Variants in SPG21 observed in about 807,000 individuals in gnomAD.
The protein encoded by SPG21 is SPG21 abhydrolase domain containing, maspardin.
In SPG21, 26 loss-of-function variants were observed where a neutral mutation model predicts 38.9. That is an observed-to-expected ratio of 0.67 (90% CI 0.49 to 0.93). The LOEUF is 0.93. SPG21 is among the 40% of genes least tolerant of loss of function. The pLI is 0.00. For missense variants in SPG21, 333 were observed against 376.5 expected (o/e 0.88, Z 0.96); for synonymous variants, 136 against 128.9 (o/e 1.05, Z -0.37).
Position 64,963,610 on chromosome 15 carries a change from G to A in SPG21, c.*10C>T, listed in dbSNP as rs373774400. 2.6e-5 allele frequency: 42 copies of A among 1,607,744 alleles called. 1 individual carries two copies. Among genetic ancestry groups the A allele is most frequent in the Admixed American group, 2.0e-4 (12 of 59,986 alleles). On this transcript the variant is annotated 3_prime_UTR_variant, in exon 9 of 9. Transcript: ENST00000204566. ...ACCGGGTCAACTCATCATTGACAGCGAGAGACACACTACTGCTCCTCCTGG... is the reference window on the plus strand; with the variant it reads ...ACCGGGTCAACTCATCATTGACAGCAAGAGACACACTACTGCTCCTCCTGG...
At position 64,974,684 on chromosome 15, in the gene SPG21, T is replaced by G; in HGVS notation, c.370A>C (p.Lys124Gln). Residue 124 changes from lysine to glutamine, a missense_variant, in exon 5 of 9, where the codon AAA becomes CAA. Transcript: ENST00000204566. The part of the protein sequence containing the change: ...LAQKFAEYTH[K>Q]SPRVHSLILC... Reference sequence around the variant, plus strand: ...ATTAGGGAATGGACTCTAGGAGATTTGTGAGTGTATTCAGCAAATTTCTGG... The same window carrying G: ...ATTAGGGAATGGACTCTAGGAGATTGGTGAGTGTATTCAGCAAATTTCTGG... The G allele has an allele frequency of 1.9e-6, 3 of 1,614,184 alleles. No homozygotes were observed. Among genetic ancestry groups the G allele is most frequent in the Non-Finnish European group, 2.5e-6 (3 of 1,180,030 alleles).
chr15:64,978,502 T>C (rs1029825305), intron 3 of SPG21, among the ~76,000 whole-genome samples: 2 of 152,080 alleles, frequency 1.3e-5, no homozygotes, highest in African/African-American at 4.8e-5. Flanking sequence ...TCTAACAGGC[T>C]TACTGTTTAA....
intron 2 of SPG21, among the ~76,000 whole-genome samples, chr15:64,982,142 C>CTTTTTTTTTTTTT (rs56118434): frequency 9.6e-5 from 11 of 114,626 alleles, no homozygotes; most frequent in East Asian, 2.4e-4. Flanking sequence ...CTTTTCTTTT[C>CTTTTTTTTTTTTT]TTTTTTTTTT....
chr15:64,974,574 T>A (rs1595872966), intron 5 of SPG21, 28 bp downstream of exon 5: 1 of 1,613,940 alleles, frequency 6.2e-7, no homozygotes, highest in East Asian at 2.2e-5. Flanking sequence ...AAAATTTCAC[T>A]GAACAAAAAA....
chr15:64,979,786 G>A (rs189001828), intron 3 of SPG21, among the ~76,000 whole-genome samples: 1 of 146,220 alleles, frequency 6.8e-6, no homozygotes, highest in Non-Finnish European at 1.5e-5. Context: ...GCCAGCTAAA[G>A]AGACTCTCTC....
At chr15:64,965,779 G>A (rs549462217) in intron 7 of SPG21, among the ~76,000 whole-genome samples, 55 of 150,778 alleles carry the variant, frequency 3.6e-4, no homozygotes, top group African/African-American at 1.3e-3. Flanking sequence ...TCGGCTCACT[G>A]CAATCTCCAC....
chr15:64,987,774 C>T (rs996638008), intron 1 of SPG21, among the ~76,000 whole-genome samples: 2 of 152,136 alleles, frequency 1.3e-5, no homozygotes, highest in African/African-American at 4.8e-5. Context: ...GTGGCTCACG[C>T]CTATAATCCC....
At chr15:64,981,312 CAG>C (rs1185469758) in intron 2 of SPG21, 3 of 352,126 alleles carry the variant, frequency 8.5e-6, no homozygotes, top group Admixed American at 4.8e-5. Flanking sequence ...TTTTTTGAGA[CAG>C]AGTCTCGCTC....
chr15:64,963,463 C>T lies in SPG21; in HGVS notation c.*157G>A, dbSNP rs903466837. The T allele has an allele frequency of 4.8e-5, 32 of 668,818 alleles. No individual in the cohort carries two copies. Among genetic ancestry groups the T allele is most frequent in the East Asian group, 1.0e-4 (4 of 39,352 alleles). The allele number at this position is 668,818 out of a possible 1,614,324, so 41.4% of individuals were successfully genotyped here. ...AGTTACACAGGCTTAGTGGAGATGC[C>T]GCCTGTCATGAAGATGACCATCAGT... is the stretch of plus-strand genomic sequence containing the variant. On this transcript the variant is annotated 3_prime_UTR_variant, in exon 9 of 9. Coordinates refer to ENST00000204566, the MANE Select transcript of SPG21 (RefSeq NM_016630.7).
At chr15:64,973,677 G>A (rs1257799909) in intron 5 of SPG21, among the ~76,000 whole-genome samples, 4 of 152,124 alleles carry the variant, frequency 2.6e-5, no homozygotes, top group Non-Finnish European at 5.9e-5. Flanking sequence ...TCGAACTCCC[G>A]ACCTCAGGTG....
At chr15:64,981,353 G>A (rs1002121880) in intron 2 of SPG21, 8 of 293,704 alleles carry the variant, frequency 2.7e-5, no homozygotes, top group African/African-American at 1.4e-4. Flanking sequence ...GCAGTGGCAC[G>A]ATCTTGGCTC....
At chr15:64,989,088 C>T (rs1052363801) in intron 1 of SPG21, 2 of 151,512 alleles carry the variant, frequency 1.3e-5, no homozygotes, top group East Asian at 1.9e-4. Flanking sequence ...AAATGTCTAA[C>T]TTATAACTCC....
intron 2 of SPG21, chr15:64,981,353 G>C (rs1002121880): frequency 3.7e-5 from 11 of 293,704 alleles, no homozygotes; most frequent in Admixed American, 2.0e-4. Flanking sequence ...GCAGTGGCAC[G>C]ATCTTGGCTC....
intron 5 of SPG21, among the ~76,000 whole-genome samples, chr15:64,970,715 TTA>T (rs1300557333): frequency 3.3e-5 from 5 of 152,316 alleles, no homozygotes; most frequent in African/African-American, 1.2e-4. Context: ...AAATTGATAT[TTA>T]TAGATTTATT....
intron 5 of SPG21, among the ~76,000 whole-genome samples, chr15:64,971,080 A>G (rs2085651120): frequency 6.6e-6 from 1 of 151,992 alleles, no homozygotes; most frequent in Non-Finnish European, 1.5e-5. Flanking sequence ...AAACTTTTAG[A>G]GACAGGGTCT....
rs2085629760 is a variant in SPG21, at chr15:64,970,033, A to T, written c.561+81T>A. 4.5e-6 allele frequency: 5 copies of T among 1,123,272 alleles called. No homozygotes were observed. In the Admixed American group the frequency reaches 8.4e-5, roughly 19 times the overall value. The allele number at this position is 1,123,272 out of a possible 1,614,324, so 69.6% of individuals were successfully genotyped here. ...CAAATACCTCTTACACATACTTGTG[A>T]GACAGATCTATCTTCTGGAACCAAG... On this transcript the variant is annotated intron_variant, in intron 6 of 8. Coordinates refer to ENST00000204566, the MANE Select transcript of SPG21 (RefSeq NM_016630.7).
intron 7 of SPG21, among the ~76,000 whole-genome samples, chr15:64,967,059 C>A (rs1331300721): frequency 1.3e-5 from 2 of 151,434 alleles, no homozygotes; most frequent in Admixed American, 1.3e-4. Context: ...AACCAAAAAA[C>A]CAGAAATAAG....
chr15:64,966,547 TAAG>T (rs1384121791), intron 7 of SPG21, among the ~76,000 whole-genome samples: 2 of 152,148 alleles, frequency 1.3e-5, no homozygotes, highest in African/African-American at 4.8e-5. Flanking sequence ...CAGAGGATGA[TAAG>T]AAGTTGTTTA....
At chr15:64,969,990 ATG>A (rs1472192858) in intron 6 of SPG21, 122 bp downstream of exon 6, 1 of 847,932 alleles carries the variant, frequency 1.2e-6, no homozygotes, top group Non-Finnish European at 2.0e-6. Context: ...ATCTGCTCAG[ATG>A]TATTACTCTG....
Sources: gnomAD v4.1 joint callset for allele counts (sites outside exome capture counted in the v4.1 genomes callset) on GRCh38, gnomAD v4.1.1 for gene constraint, MANE v1.5 for transcripts, NCBI Gene and HGNC (gene_info 2026-07-23, HGNC 2026-07-21) for gene names.